Variants in UPP2 observed in about 807,000 individuals in gnomAD.
The protein encoded by UPP2 is uridine phosphorylase 2.
In UPP2, 23 loss-of-function variants were observed where a neutral mutation model predicts 26.7. That is an observed-to-expected ratio of 0.86 (90% CI 0.62 to 1.22). The LOEUF (loss-of-function observed/expected upper bound fraction) is 1.22. Among genes scored for constraint, UPP2 ranks in the 50% most tolerant of loss-of-function variants. The probability of loss-of-function intolerance (pLI) is 0.00; values close to 1 mark genes in which losing one functional copy is unlikely to be tolerated. For synonymous variants in UPP2, 127 were observed against 141.3 expected (o/e 0.90, Z 0.72); for missense variants, 387 against 396.7 (o/e 0.98, Z 0.21).
chr2:158,114,493 A>G (rs1683382540), intron 2 of UPP2, among the ~76,000 whole-genome samples: 1 of 152,248 alleles, frequency 6.6e-6, no homozygotes, highest in South Asian at 2.1e-4. Flanking sequence ...AAACAAAAAC[A>G]AAAATAAATC....
In UPP2 at chr2:158,123,817, G is replaced by T. The variant is rs765153629; in HGVS notation, c.733G>T (p.Ala245Ser). 2.5e-6 allele frequency: 4 copies of T among 1,614,068 alleles called. No individual in the cohort carries two copies. In the South Asian group the frequency reaches 4.4e-5, roughly 18 times the overall value. The change falls in exon 6 of 7, where the codon GCA (alanine) becomes TCA (serine). Residue 245 changes from alanine (A) to serine (S), a missense_variant. Physicochemically the swap from Ala to Ser is moderately conservative, Grantham distance 99. Coordinates refer to ENST00000005756, the MANE Select transcript of UPP2 (RefSeq NM_173355.4). Reference protein sequence around the residue: ...REKKLDYLKRAFKAGVRNIEM... With the variant: ...REKKLDYLKRSFKAGVRNIEM... ...AAAAAAGTTAGACTACTTGAAGAGA[G>T]CATTTAAAGCTGGTGTCAGGAATAT...
chr2:158,117,035 A>G (rs1167395904), intron 3 of UPP2, among the ~76,000 whole-genome samples: 6 of 152,074 alleles, frequency 3.9e-5, no homozygotes, highest in Non-Finnish European at 8.8e-5. Flanking sequence ...CACATTGAAG[A>G]GCACATTTGA....
At chr2:158,109,534 C>T (rs1169755320) in intron 2 of UPP2, among the ~76,000 whole-genome samples, 3 of 152,160 alleles carry the variant, frequency 2.0e-5, no homozygotes, top group Non-Finnish European at 4.4e-5. Context: ...ACCTGTCCAG[C>T]AGATGACAGC....
intron 3 of UPP2, among the ~76,000 whole-genome samples, chr2:158,079,975 T>C (rs910686422): frequency 6.6e-6 from 1 of 151,986 alleles, no homozygotes; most frequent in Non-Finnish European, 1.5e-5. Context: ...TCTCACTGTC[T>C]GGGGGAAGAG....
At chr2:158,106,037 C>G in intron 1 of UPP2, 62 bp from the exon 2 acceptor site, 2 of 1,287,322 alleles carry the variant, frequency 1.6e-6, no homozygotes, top group East Asian at 5.0e-5. Flanking sequence ...TTCAGACTTT[C>G]TTTCTTGTGA....
chr2:158,016,613 A>G (rs185428674), intron 3 of UPP2, among the ~76,000 whole-genome samples: 38 of 152,194 alleles, frequency 2.5e-4, no homozygotes, highest in African/African-American at 7.2e-4. Context: ...GTGCTGTATT[A>G]CAGGTGTCAG....
intron 1 of UPP2, among the ~76,000 whole-genome samples, chr2:158,102,412 T>C (rs111853963): frequency 4.9e-4 from 75 of 152,262 alleles, no homozygotes; most frequent in Middle Eastern, 6.8e-3. Context: ...AGTAAACAAA[T>C]TCAAGGTTCA....
chr2:158,090,702 C>A (rs1426841709), intron 3 of UPP2, among the ~76,000 whole-genome samples: 6 of 152,192 alleles, frequency 3.9e-5, no homozygotes, highest in Non-Finnish European at 5.9e-5. Context: ...ACTTTCCTAA[C>A]AGACATAAAA....
chr2:158,135,068 A>C lies in UPP2; in HGVS notation c.*178A>C, dbSNP rs1377233844. On this transcript the variant is annotated 3_prime_UTR_variant, in exon 7 of 7. Coordinates refer to ENST00000005756, the MANE Select transcript of UPP2 (RefSeq NM_173355.4). ...TTATTGTAAAAGAATACTCACACTA[A>C]ATTAAATTCAAATTTCATTTTAGAA... 4.3e-6 allele frequency: 3 copies of C among 693,730 alleles called. No individual in the cohort carries two copies. Among genetic ancestry groups the C allele is most frequent in the Non-Finnish European group, 6.3e-6 (3 of 475,834 alleles). The allele number at this position is 693,730 out of a possible 1,614,324, so 43.0% of individuals were successfully genotyped here.
exon 3 of UPP2, chr2:158,015,831 T>G: frequency 2.2e-6 from 1 of 453,512 alleles, no homozygotes; most frequent in Non-Finnish European, 4.4e-6. Flanking sequence ...ACTTCCACCA[T>G]GATTGTAAGT....
Position 158,025,574 on chromosome 2 carries a change from C to T in UPP2, c.147+9688C>T, listed in dbSNP as rs537342152. Among the ~76,000 whole-genome samples the T allele has an allele frequency of 4.0e-4, 61 of 152,340 alleles. 1 individual carries two copies. The highest frequency in any genetic ancestry group is 3.7e-3 in the Admixed American group (57 of 15,308). On this transcript the variant is annotated intron_variant, in intron 3 of 9. Coordinates refer to the UPP2 transcript ENST00000605860. ...GGCCGAGCCACTGGCAAGGTCACTG[C>T]CAGCCTGTGACCTCAAGGACAGAGC... is the stretch of plus-strand genomic sequence containing the variant.
intron 3 of UPP2, among the ~76,000 whole-genome samples, chr2:158,072,976 A>C (rs1379021394): frequency 6.6e-6 from 1 of 152,120 alleles, no homozygotes; most frequent in African/African-American, 2.4e-5. Flanking sequence ...GACTTCACCA[A>C]ACTAAATAAG....
chr2:158,096,420 G>C (rs1415777478), intron 3 of UPP2, among the ~76,000 whole-genome samples: 1 of 152,120 alleles, frequency 6.6e-6, no homozygotes, highest in African/African-American at 2.4e-5. Flanking sequence ...CCAACATGGT[G>C]AAACCCCGTC....
chr2:158,108,887 CGTGTGT>C (rs748328980), intron 2 of UPP2, among the ~76,000 whole-genome samples: 9,482 of 133,072 alleles, frequency 0.071, 281 homozygotes, highest in African/African-American at 0.09. Context: ...GAGGCAAAAG[CGTGTGT>C]GTGTGTGTGT....
intron 2 of UPP2, among the ~76,000 whole-genome samples, chr2:158,012,446 T>G (rs1446117396): frequency 6.6e-6 from 1 of 151,952 alleles, no homozygotes; most frequent in African/African-American, 2.4e-5. Flanking sequence ...GTTTGTATTT[T>G]TAGTAGAGAC....
intron 2 of UPP2, among the ~76,000 whole-genome samples, chr2:157,999,350 T>C (rs574779623): frequency 1.3e-5 from 2 of 152,246 alleles, no homozygotes; most frequent in African/African-American, 4.8e-5. Context: ...AGCTAATTTT[T>C]GTATTTTAGT....
intron 3 of UPP2, among the ~76,000 whole-genome samples, chr2:158,117,150 T>C (rs1053345165): frequency 1.3e-5 from 2 of 152,026 alleles, no homozygotes; most frequent in Non-Finnish European, 2.9e-5. Context: ...TATTAGGACA[T>C]TGTGTAGCCA....
At chr2:158,014,295 G>T (rs979221345) in intron 2 of UPP2, among the ~76,000 whole-genome samples, 8 of 152,190 alleles carry the variant, frequency 5.3e-5, no homozygotes, top group Non-Finnish European at 1.2e-4. Context: ...TTAAGCAGGG[G>T]AGCTCATCAG....
intron 3 of UPP2, among the ~76,000 whole-genome samples, chr2:158,023,233 G>GGGGT (rs946727819): frequency 4.1e-5 from 6 of 146,396 alleles, no homozygotes; most frequent in Admixed American, 2.1e-4. Context: ...TGTCAGTTGG[G>GGGGT]GGGGGGCATT....
Sources: allele counts gnomAD v4.1 joint callset (sites outside exome capture counted in the v4.1 genomes callset), GRCh38; gene constraint gnomAD v4.1.1; transcripts MANE v1.5; gene names NCBI Gene and HGNC (gene_info 2026-07-23, HGNC 2026-07-21).